Variants in RPS6KA3 observed in about 807,000 individuals in gnomAD.
RPS6KA3 encodes ribosomal protein S6 kinase A3.
RPS6KA3 carries 4 observed loss-of-function variants against 67.2 expected under a neutral mutation model. The ratio of observed to expected loss-of-function variants is 0.06; its 90% CI spans 0.03 to 0.14. The LOEUF (loss-of-function observed/expected upper bound fraction) is 0.14, where lower values mean the gene tolerates loss of function less well. Among genes scored for constraint, RPS6KA3 ranks in the 10% least tolerant of loss-of-function variants. The pLI is 1.00. For missense variants in RPS6KA3, 204 were observed against 559.0 expected (o/e 0.36, Z 6.40); for synonymous variants, 182 against 183.7 (o/e 0.99, Z 0.07).
intron 2 of RPS6KA3, among the ~76,000 whole-genome samples, chrX:20,224,167 C>T (rs2069053105): frequency 9.0e-6 from 1 of 111,377 alleles, no homozygotes; most frequent in African/African-American, 3.3e-5. Flanking sequence ...TGCCCAAGTT[C>T]TTATAGTTTG....
chrX:20,186,233 C>T (rs1035996602), intron 10 of RPS6KA3, 63 bp downstream of exon 10: 7 of 787,478 alleles, frequency 8.9e-6, no homozygotes, highest in Non-Finnish European at 1.2e-5. Flanking sequence ...TGAGCCACAG[C>T]GCCCAGCCTG....
chrX:20,201,962 G>C (rs746934462), intron 4 of RPS6KA3, among the ~76,000 whole-genome samples: 3 of 107,778 alleles, frequency 2.8e-5, no homozygotes, highest in Non-Finnish European at 5.8e-5. Context: ...CTTGCTCAGG[G>C]GTATTTCTTT....
At chrX:20,260,462 G>GT (rs1457193136) in intron 1 of RPS6KA3, among the ~76,000 whole-genome samples, 4 of 111,487 alleles carry the variant, frequency 3.6e-5, no homozygotes, top group Non-Finnish European at 7.6e-5. Context: ...TCACAATGTT[G>GT]TTTTTTCCCT....
At chrX:20,247,041 T>C in intron 1 of RPS6KA3, among the ~76,000 whole-genome samples, 1 of 112,478 alleles carries the variant, frequency 8.9e-6, no homozygotes. Context: ...CCATCAAAAC[T>C]AATTTCTGAA....
intron 17 of RPS6KA3, among the ~76,000 whole-genome samples, chrX:20,166,421 A>G (rs939994016): frequency 5.4e-5 from 6 of 111,505 alleles, no homozygotes; most frequent in Admixed American, 3.8e-4. Context: ...GCAAATCTTG[A>G]TAAGTTAGAA....
intron 4 of RPS6KA3, among the ~76,000 whole-genome samples, chrX:20,195,828 G>A (rs2068258992): frequency 9.0e-6 from 1 of 111,690 alleles, no homozygotes; most frequent in Non-Finnish European, 1.9e-5. Context: ...GTTACCTTTC[G>A]GCTACACAAT....
At chrX:20,255,322 G>T (rs1472031486) in intron 1 of RPS6KA3, among the ~76,000 whole-genome samples, 1 of 109,281 alleles carries the variant, frequency 9.2e-6, no homozygotes, top group Non-Finnish European at 1.9e-5. Flanking sequence ...AGGGACTGGG[G>T]GAATGGAGGA....
rs763182032 is a variant in RPS6KA3, at chrX:20,217,652, G to C, written c.127-8248C>G. 1.2e-4 allele frequency among the ~76,000 whole-genome samples: 13 copies of C among 111,817 alleles called. 1 individual carries two copies. The highest frequency in any genetic ancestry group is 4.2e-4 in the African/African-American group (13 of 30,832). On this transcript the variant is annotated intron_variant, in intron 2 of 21. Transcript: ENST00000379565. Reference sequence around the variant, plus strand: ...TATGGATGTGTAACCATTTTTTGTTGTACCATAAAAAAGACCTTACAAATG... The same window carrying C: ...TATGGATGTGTAACCATTTTTTGTTCTACCATAAAAAAGACCTTACAAATG...
At position 20,161,640 on chromosome X, in the gene RPS6KA3, T is replaced by C; in HGVS notation, c.1959+4A>G. Reference sequence around the variant, plus strand: ...AAAATCTTATAATAGGAAGTGATACTTACCTTTGCTGTGTCTGAAACAGAA... The same window carrying C: ...AAAATCTTATAATAGGAAGTGATACCTACCTTTGCTGTGTCTGAAACAGAA... On this transcript the variant is annotated splice_donor_region_variant and intron_variant, in intron 20 of 21. Coordinates refer to ENST00000379565, the MANE Select transcript of RPS6KA3 (RefSeq NM_004586.3). The C allele has an allele frequency of 9.7e-7, 1 of 1,031,174 alleles. No homozygotes were observed. The highest frequency in any genetic ancestry group is 1.3e-6 in the Non-Finnish European group (1 of 741,407). 85.0% of individuals were successfully genotyped at this position (1,031,174 alleles called of 1,213,427 possible). A position where few individuals can be genotyped will look rare whatever the true frequency, so the allele number is the denominator to read the frequency against.
chrX:20,181,747 A>G (rs2067847606), intron 10 of RPS6KA3, among the ~76,000 whole-genome samples: 1 of 111,561 alleles, frequency 9.0e-6, no homozygotes, highest in Admixed American at 9.6e-5. Context: ...AAGATCACTG[A>G]TAGCCACAGA....
chrX:20,180,747 G>T (rs761167355), intron 10 of RPS6KA3, among the ~76,000 whole-genome samples: 3 of 112,162 alleles, frequency 2.7e-5, no homozygotes, highest in African/African-American at 9.7e-5. Flanking sequence ...AAGATTAGTG[G>T]TCTACTATAT....
At chrX:20,263,143 T>C (rs1207200665) in intron 1 of RPS6KA3, among the ~76,000 whole-genome samples, 1 of 112,263 alleles carries the variant, frequency 8.9e-6, no homozygotes, top group African/African-American at 3.2e-5. Context: ...CACATTTCTA[T>C]AAAACAAAAA....
intron 4 of RPS6KA3, 23 bp downstream of exon 4, chrX:20,203,999 T>C (rs1024740716): frequency 8.8e-7 from 1 of 1,138,009 alleles, no homozygotes; most frequent in Non-Finnish European, 1.2e-6. Context: ...TACATGAACA[T>C]TACAAATAGC....
chrX:20,257,782 C>T (rs923684331), intron 1 of RPS6KA3, among the ~76,000 whole-genome samples: 74 of 111,627 alleles, frequency 6.6e-4, no homozygotes, highest in Non-Finnish European at 1.1e-3. Context: ...GTTTATGTCT[C>T]GGTCTGTAAG....
At chrX:20,257,072 T>A (rs1445708250) in intron 1 of RPS6KA3, among the ~76,000 whole-genome samples, 1 of 112,120 alleles carries the variant, frequency 8.9e-6, no homozygotes, top group East Asian at 2.8e-4. Context: ...TGGGCAACCA[T>A]GAGCACGTTA....
In RPS6KA3 at chrX:20,266,777, A is replaced by G. The variant is rs867726680; in HGVS notation, c.-145T>C. ...CGGCAGCGGCAGCGGCAGCAGCAGC[A>G]GCAGCGGCGGCGGCCCCAGAGAGGG... On this transcript the variant is annotated 5_prime_UTR_variant, in exon 1 of 22. Transcript: ENST00000379565. 1.5e-5 allele frequency: 4 copies of G among 266,030 alleles called. No homozygotes were observed. The highest frequency in any genetic ancestry group is 1.9e-4 in the South Asian group (1 of 5,392). The allele number at this position is 266,030 out of a possible 1,213,427, so 21.9% of individuals were successfully genotyped here.
chrX:20,238,726 A>G (rs1362378362), intron 1 of RPS6KA3, among the ~76,000 whole-genome samples: 1 of 111,737 alleles, frequency 8.9e-6, no homozygotes, highest in Non-Finnish European at 1.9e-5. Context: ...TGAACAATTT[A>G]ATTTTTAAAG....
At chrX:20,211,505 G>A (rs773287646) in intron 2 of RPS6KA3, among the ~76,000 whole-genome samples, 17 of 104,149 alleles carry the variant, frequency 1.6e-4, no homozygotes, top group Non-Finnish European at 2.0e-5. Flanking sequence ...TTAGAGCAGT[G>A]TTCTTTGAAC....
intron 20 of RPS6KA3, among the ~76,000 whole-genome samples, chrX:20,160,864 CCTCAA>C (rs2067289005): frequency 8.9e-6 from 1 of 112,245 alleles, no homozygotes; most frequent in African/African-American, 3.2e-5. Flanking sequence ...TATACGATCA[CCTCAA>C]CTCAAGCTTT....
Sources: gnomAD v4.1 joint callset for allele counts (sites outside exome capture counted in the v4.1 genomes callset) on GRCh38, gnomAD v4.1.1 for gene constraint, MANE v1.5 for transcripts, NCBI Gene and HGNC (gene_info 2026-07-23, HGNC 2026-07-21) for gene names.